DCAF8L2: variants seen among roughly 807,000 people sequenced by gnomAD.
The protein encoded by DCAF8L2 is DDB1- and CUL4-associated factor 8-like protein 2.
For synonymous variants in DCAF8L2, 200 were observed against 190.9 expected (o/e 1.05, Z -0.39); for missense variants, 430 against 490.7 (o/e 0.88, Z 1.17).
In DCAF8L2 at chrX:27,622,877, A is replaced by G. The variant is rs1274548364; in HGVS notation, c.-341-9002A>G. 2.7e-5 allele frequency among the ~76,000 whole-genome samples: 3 copies of G among 111,264 alleles called. No individual in the cohort carries two copies. In the Admixed American group the frequency reaches 2.9e-4, roughly 11 times the overall value. On this transcript the variant is annotated intron_variant, in intron 1 of 4. Coordinates refer to ENST00000451261, the MANE Select transcript of DCAF8L2 (RefSeq NM_001353450.2). ...GGGTCATCAAGCAGAAGTTCACTGT[A>G]TGAGAAAGGGCTGTACTGTATATTT...
At chrX:27,532,079 A>G in the DCAF8L2 span, among the ~76,000 whole-genome samples, 1 of 107,496 alleles carries the variant, frequency 9.3e-6, no homozygotes, top group South Asian at 4.0e-4. Flanking sequence ...ATATATATAT[A>G]TTTCCTAATA....
At chrX:27,520,774 C>T in the DCAF8L2 span, among the ~76,000 whole-genome samples, 5 of 111,710 alleles carry the variant, frequency 4.5e-5, no homozygotes, top group Non-Finnish European at 9.4e-5. Context: ...AATAATACGT[C>T]TCTATTGTTA....
the DCAF8L2 span, among the ~76,000 whole-genome samples, chrX:27,499,182 C>G: frequency 8.9e-6 from 1 of 112,164 alleles, no homozygotes; most frequent in African/African-American, 3.2e-5. Flanking sequence ...AATTTACATT[C>G]CCATAAACAG....
chrX:27,475,511 G>A, the DCAF8L2 span, among the ~76,000 whole-genome samples: 162 of 111,650 alleles, frequency 1.5e-3, no homozygotes, highest in African/African-American at 4.9e-3. Flanking sequence ...ATCATATTGG[G>A]CTTGTAATAC....
intron 1 of DCAF8L2, among the ~76,000 whole-genome samples, chrX:27,590,706 T>C (rs780624314): frequency 1.8e-5 from 2 of 110,746 alleles, no homozygotes; most frequent in African/African-American, 6.5e-5. Context: ...TCACCAGAAC[T>C]TTCTAATACA....
chrX:27,693,261 A>G (rs1490471557), intron 3 of DCAF8L2, among the ~76,000 whole-genome samples: 1 of 111,557 alleles, frequency 9.0e-6, no homozygotes. Context: ...AACAAAAACC[A>G]GAAACTTAGC....
chrX:27,496,535 A>G, the DCAF8L2 span, among the ~76,000 whole-genome samples: 2 of 111,563 alleles, frequency 1.8e-5, no homozygotes, highest in African/African-American at 6.5e-5. Flanking sequence ...TTTCGCTTGC[A>G]TGTGTTTGAG....
chrX:27,514,210 G>A, the DCAF8L2 span, among the ~76,000 whole-genome samples: 1 of 74,600 alleles, frequency 1.3e-5, no homozygotes, highest in African/African-American at 7.1e-5. Flanking sequence ...GTACATGTAT[G>A]TGTGCTATGT....
intron 1 of DCAF8L2, among the ~76,000 whole-genome samples, chrX:27,598,960 CAAA>C (rs113747555): frequency 9.7e-5 from 8 of 82,507 alleles, no homozygotes; most frequent in African/African-American, 2.2e-4. Context: ...GAAAGTTTCT[CAAA>C]AAAAAAAAAA....
At chrX:27,547,847 C>CTCTCTCTCTCTT in the DCAF8L2 span, among the ~76,000 whole-genome samples, 4 of 37,697 alleles carry the variant, frequency 1.1e-4, no homozygotes, top group African/African-American at 8.7e-4. Flanking sequence ...CTCTCTCTTT[C>CTCTCTCTCTCTT]TCTCTCTCTC....
At chrX:27,691,389 T>C (rs993042804) in intron 3 of DCAF8L2, among the ~76,000 whole-genome samples, 1 of 111,556 alleles carries the variant, frequency 9.0e-6, no homozygotes, top group Non-Finnish European at 1.9e-5. Context: ...AAAATAGACA[T>C]AATTGCAATT....
the DCAF8L2 span, among the ~76,000 whole-genome samples, chrX:27,497,300 A>G: frequency 8.9e-6 from 1 of 111,746 alleles, no homozygotes; most frequent in African/African-American, 3.3e-5. Context: ...GGGCTTTTTA[A>G]TGATGAAAAA....
At chrX:27,720,442 C>T (rs939882073) in intron 4 of DCAF8L2, among the ~76,000 whole-genome samples, 2 of 110,735 alleles carry the variant, frequency 1.8e-5, no homozygotes, top group Non-Finnish European at 3.8e-5. Flanking sequence ...GGCGCAATCT[C>T]GGCTCACTGC....
intron 1 of DCAF8L2, among the ~76,000 whole-genome samples, chrX:27,613,215 G>T (rs985788809): frequency 2.3e-4 from 26 of 111,164 alleles, no homozygotes; most frequent in African/African-American, 8.5e-4. Context: ...TGTAGCAATT[G>T]TGAATGGGAG....
upstream of DCAF8L2, among the ~76,000 whole-genome samples, chrX:27,587,935 C>T (rs1925934282): frequency 1.0e-5 from 1 of 97,628 alleles, no homozygotes; most frequent in Non-Finnish European, 2.0e-5. Context: ...TTTGGGAAAC[C>T]CAAACTATTC....
chrX:27,674,383 G>A (rs752962598), intron 2 of DCAF8L2, among the ~76,000 whole-genome samples: 1 of 110,826 alleles, frequency 9.0e-6, no homozygotes, highest in South Asian at 3.9e-4. Context: ...TAATTATGTG[G>A]GCTTTTTCTG....
At chrX:27,531,691 C>G in the DCAF8L2 span, among the ~76,000 whole-genome samples, 1 of 111,370 alleles carries the variant, frequency 9.0e-6, no homozygotes, top group Non-Finnish European at 1.9e-5. Flanking sequence ...AAACAAAAGA[C>G]AAGGATAAAC....
chrX:27,737,409 T>C (rs1238268724), intron 4 of DCAF8L2, among the ~76,000 whole-genome samples: 1 of 111,726 alleles, frequency 9.0e-6, no homozygotes, highest in Admixed American at 9.6e-5. Flanking sequence ...GCTTCCCACC[T>C]TGTTGTATAC....
intron 3 of DCAF8L2, among the ~76,000 whole-genome samples, chrX:27,686,094 G>C (rs1325348650): frequency 9.0e-6 from 1 of 111,489 alleles, no homozygotes; most frequent in Non-Finnish European, 1.9e-5. Context: ...ATAGATGCTG[G>C]TGAGGATGCA....
Sources: gnomAD v4.1 joint callset for allele counts (sites outside exome capture counted in the v4.1 genomes callset) on GRCh38, gnomAD v4.1.1 for gene constraint, MANE v1.5 for transcripts, NCBI Gene and HGNC (gene_info 2026-07-23, HGNC 2026-07-21) for gene names.